The following DOCK1 variants were observed in gnomAD, a reference collection of about 807,000 sequenced individuals.
DOCK1 encodes dedicator of cytokinesis protein 1.
In DOCK1, 138 loss-of-function variants were observed where a neutral mutation model predicts 262.7. The observed-to-expected ratio is 0.53, with a 90% CI of 0.46 to 0.61. The LOEUF is 0.61. Ranked by LOEUF, DOCK1 falls within the 20% of genes least tolerant of loss-of-function variation. DOCK1 has a pLI of 0.00. For missense variants in DOCK1, 1,908 were observed against 2,370.7 expected, an observed-to-expected ratio of 0.80 and a Z score of 4.05; for synonymous variants, 866 against 867.4, an observed-to-expected ratio of 1.00 and a Z score of 0.03.
intron 29 of DOCK1, among the ~76,000 whole-genome samples, chr10:127,325,976 A>T (rs2062732302): frequency 1.3e-5 from 2 of 152,326 alleles, no homozygotes; most frequent in East Asian, 3.9e-4. Flanking sequence ...TTACACTATA[A>T]AGTATTTTAT....
At chr10:126,951,292 A>T (rs891932386) in intron 1 of DOCK1, among the ~76,000 whole-genome samples, 27 of 148,390 alleles carry the variant, frequency 1.8e-4, no homozygotes, top group African/African-American at 6.7e-4. Flanking sequence ...TAGTATTGGT[A>T]GTGTTAGTAG....
At position 127,121,455 on chromosome 10, in the gene DOCK1, A is replaced by ATG. The variant is rs59477974; in HGVS notation, c.2624-3999_2624-3998dup. Among the ~76,000 whole-genome samples the ATG allele has an allele frequency of 8.8e-3, 1,299 of 148,362 alleles. 18 individuals are homozygous for ATG. The highest frequency in any genetic ancestry group is 0.029 in the African/African-American group (1,191 of 40,560). ...ATAGGTCATTGTAGGGTATATGTAT[A>ATG]TGTGTGTGTGTGTGTGTGTGTCTAT... On this transcript the variant is annotated intron_variant, in intron 25 of 51. Transcript: ENST00000623213.
chr10:126,943,871 G>A (rs2035198268), intron 1 of DOCK1, among the ~76,000 whole-genome samples: 1 of 152,156 alleles, frequency 6.6e-6, no homozygotes. Flanking sequence ...CAGTCTGGGT[G>A]AGTCGAGGCG....
chr10:127,122,199 C>G (rs1000970088), intron 25 of DOCK1, among the ~76,000 whole-genome samples: 6 of 152,176 alleles, frequency 3.9e-5, no homozygotes, highest in African/African-American at 1.4e-4. Context: ...CTCCTAGTGG[C>G]TCTGGGGAAT....
chr10:127,368,945 T>C (rs2065067738), intron 33 of DOCK1, among the ~76,000 whole-genome samples: 1 of 152,248 alleles, frequency 6.6e-6, no homozygotes, highest in African/African-American at 2.4e-5. Flanking sequence ...TGGAAAAAGC[T>C]GCCCAGCAAA....
chr10:127,289,869 G>GC (rs1029763034), intron 29 of DOCK1, among the ~76,000 whole-genome samples: 3 of 146,048 alleles, frequency 2.1e-5, no homozygotes, highest in Non-Finnish European at 4.5e-5. Flanking sequence ...CATGTCTTAT[G>GC]CTTTTTTTTT....
chr10:127,386,602 A>G (rs1348476111), intron 38 of DOCK1, among the ~76,000 whole-genome samples: 1 of 150,950 alleles, frequency 6.6e-6, no homozygotes, highest in Non-Finnish European at 1.5e-5. Flanking sequence ...ACTGTCTCCC[A>G]TCTTCCCCTG....
intron 32 of DOCK1, among the ~76,000 whole-genome samples, chr10:127,361,487 G>T (rs908135998): frequency 6.6e-6 from 1 of 152,114 alleles, no homozygotes; most frequent in African/African-American, 2.4e-5. Flanking sequence ...CTGTTTTTAG[G>T]GTTTCAGCCT....
intron 38 of DOCK1, among the ~76,000 whole-genome samples, chr10:127,386,389 AGGTGAGCAACG>A (rs11274639): frequency 0.8 from 121,248 of 151,512 alleles, 48,604 homozygotes; most frequent in African/African-American, 0.85. Flanking sequence ...GCACAGCAGC[AGGTGAGCAACG>A]GGTGAGCAAG....
At chr10:127,158,320 G>C (rs180971005) in intron 27 of DOCK1, among the ~76,000 whole-genome samples, 31 of 152,362 alleles carry the variant, frequency 2.0e-4, no homozygotes, top group Admixed American at 1.8e-3. Flanking sequence ...TTCTTCTCCA[G>C]TGACAGTAGG....
At chr10:127,375,302 G>T (rs1052149179) in intron 35 of DOCK1, among the ~76,000 whole-genome samples, 16 of 152,244 alleles carry the variant, frequency 1.1e-4, no homozygotes, top group African/African-American at 3.4e-4. Context: ...CTGACTCGTG[G>T]CCATAGTAGG....
intron 1 of DOCK1, among the ~76,000 whole-genome samples, chr10:126,939,219 G>T (rs1416878043): frequency 6.6e-6 from 1 of 152,140 alleles, no homozygotes; most frequent in Non-Finnish European, 1.5e-5. Context: ...GATTCCATCC[G>T]TGAAGGTTTC....
At chr10:127,243,799 C>T (rs528457414) in intron 27 of DOCK1, among the ~76,000 whole-genome samples, 3 of 152,060 alleles carry the variant, frequency 2.0e-5, no homozygotes, top group Non-Finnish European at 2.9e-5. Flanking sequence ...GAGAGTTTGT[C>T]CCTCCTGCCA....
At chr10:127,108,039 A>G (rs2136231507) in intron 24 of DOCK1, among the ~76,000 whole-genome samples, 1 of 152,352 alleles carries the variant, frequency 6.6e-6, no homozygotes, top group South Asian at 2.1e-4. Context: ...CTGCTTGGCC[A>G]GGGCCGATGC....
At chr10:126,985,340 C>G (rs1157500506) in intron 4 of DOCK1, among the ~76,000 whole-genome samples, 2 of 152,138 alleles carry the variant, frequency 1.3e-5, no homozygotes, top group Non-Finnish European at 2.9e-5. Flanking sequence ...ACCAGCAGCC[C>G]TATGAGGCAG....
chr10:127,154,095 C>A (rs544005278), intron 27 of DOCK1, among the ~76,000 whole-genome samples: 2 of 152,252 alleles, frequency 1.3e-5, no homozygotes, highest in South Asian at 4.1e-4. Flanking sequence ...TGTACAAAAC[C>A]AATGCAACAC....
intron 29 of DOCK1, among the ~76,000 whole-genome samples, chr10:127,331,698 A>G (rs1269300787): frequency 6.6e-6 from 1 of 152,224 alleles, no homozygotes; most frequent in African/African-American, 2.4e-5. Flanking sequence ...AAATAATTGA[A>G]CATAAGGACT....
chr10:126,951,058 G>GGTA lies in DOCK1; in HGVS notation c.47-19640_47-19638dup, dbSNP rs1283130261. ...TAGTAGTAGTATTGGTGATGGTGGT[G>GGTA]GTAGTATTGTTTTTGGTAGTGTTTT... is the stretch of plus-strand genomic sequence containing the variant. On this transcript the variant is annotated intron_variant, in intron 1 of 51. Coordinates refer to ENST00000623213, the MANE Select transcript of DOCK1 (RefSeq NM_001290223.2). Among the ~76,000 whole-genome samples, 106 of 151,952 alleles carry GGTA rather than the reference G, an allele frequency of 7.0e-4. 1 individual carries two copies. Among genetic ancestry groups the GGTA allele is most frequent in the Admixed American group, 1.4e-3 (21 of 15,212 alleles).
intron 23 of DOCK1, 71 bp from the exon 24 acceptor site, chr10:127,106,160 A>C (rs1487721592): frequency 1.3e-5 from 19 of 1,464,214 alleles, no homozygotes; most frequent in Middle Eastern, 1.7e-4. Context: ...TTCTTCTCAT[A>C]AGGATTACAA....
Sources: allele counts gnomAD v4.1 joint callset (sites outside exome capture counted in the v4.1 genomes callset), GRCh38; gene constraint gnomAD v4.1.1; transcripts MANE v1.5; gene names NCBI Gene and HGNC (gene_info 2026-07-23, HGNC 2026-07-21).